The following PIWIL2 variants were observed in gnomAD, a reference collection of about 807,000 sequenced individuals.
PIWIL2 encodes piwi-like protein 2.
Under a neutral mutation model 116.5 loss-of-function variants are expected in PIWIL2, and 81 were observed. The observed-to-expected ratio is 0.70, with a 90% confidence interval of 0.58 to 0.84. The LOEUF is 0.84. Among genes scored for constraint, PIWIL2 ranks in the 40% least tolerant of loss-of-function variants. PIWIL2 has a pLI of 0.00. For missense variants in PIWIL2, 1,272 were observed against 1,212.3 expected, an observed-to-expected ratio of 1.05 and a Z score of -0.73; for synonymous variants, 489 against 429.5, an observed-to-expected ratio of 1.14 and a Z score of -1.71.
chr8:22,323,753 A>C (rs868496607), intron 20 of PIWIL2, among the ~76,000 whole-genome samples: 1 of 152,240 alleles, frequency 6.6e-6, no homozygotes, highest in African/African-American at 2.4e-5. Flanking sequence ...CTACTCAGTC[A>C]TAAATAATTA....
rs188026100 is a variant in PIWIL2 at position 22,307,415 on chromosome 8, T to G, written c.1546-518T>G. On this transcript the variant is annotated intron_variant, in intron 13 of 22. Coordinates refer to ENST00000356766, the MANE Select transcript of PIWIL2 (RefSeq NM_018068.5). The stretch of plus-strand genomic sequence containing the variant: ...GTCAAAATATGCTTTGAGAAAGAAA[T>G]AAGATCCACACATCATGAAAGAGAG... Among the ~76,000 whole-genome samples, 8 of 150,218 alleles carry G rather than the reference T, an allele frequency of 5.3e-5. No homozygotes were observed. The East Asian group carries it at 7.8e-4, about 15-fold the overall frequency.
intron 1 of PIWIL2, among the ~76,000 whole-genome samples, chr8:22,276,917 T>A (rs948414258): frequency 1.8e-4 from 28 of 151,702 alleles, no homozygotes; most frequent in African/African-American, 6.3e-4. Flanking sequence ...AAAAAAAAAA[T>A]TCTTTTCCGT....
chr8:22,324,273 A>G (rs1312897994), intron 20 of PIWIL2, among the ~76,000 whole-genome samples: 1 of 152,128 alleles, frequency 6.6e-6, no homozygotes, highest in African/African-American at 2.4e-5. Flanking sequence ...AAAAAAAGGA[A>G]TATTGGATTT....
intron 10 of PIWIL2, among the ~76,000 whole-genome samples, chr8:22,294,835 C>T (rs989005033): frequency 7.9e-6 from 1 of 126,944 alleles, no homozygotes; most frequent in African/African-American, 2.9e-5. Flanking sequence ...CCGAGGCAGG[C>T]GGATCACTTG....
At chr8:22,323,276 T>C (rs1448696490) in intron 20 of PIWIL2, among the ~76,000 whole-genome samples, 1 of 151,190 alleles carries the variant, frequency 6.6e-6, no homozygotes, top group Non-Finnish European at 1.5e-5. Context: ...GCTTCCCGAG[T>C]AGCTGGGACT....
chr8:22,351,436 C>CATT (rs1832351077), intron 20 of PIWIL2, among the ~76,000 whole-genome samples: 2 of 46,270 alleles, frequency 4.3e-5, no homozygotes, highest in Non-Finnish European at 9.1e-5. Context: ...ACAGTGCATA[C>CATT]ATACATATAT....
intron 1 of PIWIL2, among the ~76,000 whole-genome samples, chr8:22,278,159 A>T (rs953324269): frequency 6.0e-5 from 9 of 150,422 alleles, no homozygotes; most frequent in African/African-American, 2.2e-4. Flanking sequence ...TAAGAGTGAA[A>T]CTCCGTCTAA....
rs535388101 is a variant in PIWIL2 at position 22,337,863 on chromosome 8, A to G, written c.2404-15096A>G. 4.4e-4 allele frequency among the ~76,000 whole-genome samples: 67 copies of G among 152,158 alleles called. 1 individual carries two copies. The highest frequency in any genetic ancestry group is 1.6e-3 in the African/African-American group (67 of 41,524). ...TAATCCTAGCACTTTGGGAGGCTGA[A>G]GCAGGTGGATCACCTGAGGCTGGAG... On this transcript the variant is annotated intron_variant, in intron 20 of 22. Transcript: ENST00000356766.
chr8:22,322,013 CT>C, intron 20 of PIWIL2: 1 of 981,588 alleles, frequency 1.0e-6, no homozygotes, highest in Non-Finnish European at 1.2e-6. Context: ...CTTCCAAATA[CT>C]GTTTTGGTTT....
intron 10 of PIWIL2, among the ~76,000 whole-genome samples, chr8:22,295,337 CT>C (rs35664228): frequency 1.3e-5 from 2 of 149,902 alleles, no homozygotes; most frequent in African/African-American, 2.4e-5. Flanking sequence ...CTATGCTCAG[CT>C]TTTTTTTTTC....
intron 20 of PIWIL2, among the ~76,000 whole-genome samples, chr8:22,325,646 G>A (rs985192185): frequency 1.3e-5 from 2 of 151,758 alleles, no homozygotes; most frequent in African/African-American, 4.8e-5. Flanking sequence ...ACCACACCCA[G>A]CTAATTTTTG....
At chr8:22,331,095 G>T (rs1831851349) in intron 20 of PIWIL2, among the ~76,000 whole-genome samples, 1 of 152,170 alleles carries the variant, frequency 6.6e-6, no homozygotes, top group Non-Finnish European at 1.5e-5. Context: ...AGAATTGCTT[G>T]AACCCAGGAG....
intron 2 of PIWIL2, among the ~76,000 whole-genome samples, chr8:22,280,655 A>G (rs1040838109): frequency 3.5e-4 from 54 of 152,240 alleles, no homozygotes; most frequent in African/African-American, 1.2e-3. Flanking sequence ...ACAGGAAAAC[A>G]GTAGCAGGTT....
At chr8:22,284,429 C>T (rs1467411501) in intron 6 of PIWIL2, among the ~76,000 whole-genome samples, 157 bp downstream of exon 6, 1 of 152,096 alleles carries the variant, frequency 6.6e-6, no homozygotes, top group Non-Finnish European at 1.5e-5. Context: ...TAAGGTTAAT[C>T]TTAAACTTTG....
chr8:22,317,132 G>A (rs1319604043), intron 19 of PIWIL2, among the ~76,000 whole-genome samples: 2 of 152,184 alleles, frequency 1.3e-5, no homozygotes, highest in East Asian at 3.9e-4. Context: ...CCCAGCTGAA[G>A]AGCGACCTCC....
chr8:22,296,020 C>CTTTTTTTTTTTTTTTTT lies in PIWIL2; in HGVS notation c.1181+5696_1181+5712dup, dbSNP rs67357452. ...ACTGTCTTGGGGTTCCTCTTCCCTT[C>CTTTTTTTTTTTTTTTTT]TTTTTTTTTTTTTTTTTTTTTTTTT... On this transcript the variant is annotated intron_variant, in intron 10 of 22. Transcript: ENST00000356766. Among the ~76,000 whole-genome samples the CTTTTTTTTTTTTTTTTT allele has an allele frequency of 4.3e-4, 44 of 102,832 alleles. 2 individuals carry two copies. Among genetic ancestry groups the CTTTTTTTTTTTTTTTTT allele is most frequent in the Non-Finnish European group, 7.3e-4 (36 of 49,146 alleles). The allele number at this position is 102,832 out of a possible 152,430, so 67.5% of individuals were successfully genotyped here.
chr8:22,305,846 C>A, intron 12 of PIWIL2, 81 bp from the exon 13 acceptor site: 2 of 972,748 alleles, frequency 2.1e-6, no homozygotes, highest in Non-Finnish European at 3.3e-6. Flanking sequence ...AGGAGCAGCC[C>A]TGGCCATGAC....
At position 22,281,379 on chromosome 8, in the gene PIWIL2, A is replaced by G. The variant is rs1014883300; in HGVS notation, c.289A>G (p.Arg97Gly). 41 of 1,609,054 alleles carry G rather than the reference A, an allele frequency of 2.5e-5. No individual in the cohort carries two copies. Among genetic ancestry groups the G allele is most frequent in the Non-Finnish European group, 3.2e-5 (38 of 1,178,974 alleles). Residue 97 changes from arginine (R) to glycine (G), a missense_variant and splice_region_variant, in exon 4 of 23, where the codon AGA becomes GGA. Physicochemically the swap from Arg to Gly is moderately radical, Grantham distance 125. Coordinates refer to ENST00000356766, the MANE Select transcript of PIWIL2 (RefSeq NM_018068.5). ...TGGGGTTCGGTTCTTTCTTTCAGGT[A>G]GAGGCATTTTAGGTCGAGGCTTGTC... is the stretch of plus-strand genomic sequence containing the variant. ...PLKREMLPSG[R>G]GILGRGLSAN... is the part of the protein sequence containing the mutation.
chr8:22,312,619 GT>G (rs1831360441), intron 16 of PIWIL2, among the ~76,000 whole-genome samples: 1 of 152,044 alleles, frequency 6.6e-6, no homozygotes, highest in Non-Finnish European at 1.5e-5. Flanking sequence ...CAGCACACTT[GT>G]GTTCTTTCTT....
Sources: gnomAD v4.1 joint callset for allele counts (sites outside exome capture counted in the v4.1 genomes callset) on GRCh38, gnomAD v4.1.1 for gene constraint, MANE v1.5 for transcripts, NCBI Gene and HGNC (gene_info 2026-07-23, HGNC 2026-07-21) for gene names.